Variants in HCN1 observed in about 807,000 individuals in gnomAD.
HCN1 encodes potassium/sodium hyperpolarization-activated cyclic nucleotide-gated channel 1.
In HCN1, 13 loss-of-function variants were observed where a neutral mutation model predicts 78.9. The observed-to-expected ratio is 0.16, with a 90% CI of 0.11 to 0.26. The LOEUF is 0.26. HCN1 is among the 10% of genes least tolerant of loss of function. HCN1 has a pLI of 1.00. For synonymous variants in HCN1, 552 were observed against 455.5 expected, an observed-to-expected ratio of 1.21 and a Z score of -2.70; for missense variants, 810 against 1,154.3, an observed-to-expected ratio of 0.70 and a Z score of 4.32.
intron 2 of HCN1, chr5:45,480,207 C>A (rs1310572690): frequency 2.6e-5 from 4 of 152,488 alleles, no homozygotes; most frequent in Non-Finnish European, 5.9e-5. Context: ...CCTGCTCATT[C>A]TTCTACATCT....
intron 4 of HCN1, among the ~76,000 whole-genome samples, chr5:45,377,120 A>G (rs1747697779): frequency 6.6e-6 from 1 of 152,040 alleles, no homozygotes; most frequent in South Asian, 2.1e-4. Context: ...TGTCAGAAAA[A>G]TAGAAGCCTT....
chr5:45,427,639 T>G (rs2112073673), intron 3 of HCN1, among the ~76,000 whole-genome samples: 1 of 152,226 alleles, frequency 6.6e-6, no homozygotes, highest in East Asian at 1.9e-4. Flanking sequence ...ATTACATTGA[T>G]CAATAATTAG....
chr5:45,515,859 G>GAT (rs1742508306), intron 2 of HCN1, among the ~76,000 whole-genome samples: 1 of 151,592 alleles, frequency 6.6e-6, no homozygotes, highest in African/African-American at 2.4e-5. Flanking sequence ...TATCCCACAG[G>GAT]ATAAAATAAA....
At chr5:45,469,242 C>G (rs985276798) in intron 2 of HCN1, among the ~76,000 whole-genome samples, 1 of 151,614 alleles carries the variant, frequency 6.6e-6, no homozygotes, top group Admixed American at 6.6e-5. Context: ...TTGTACCATG[C>G]CCAGGAAAAA....
rs78052972 is a variant in HCN1 at position 45,333,952 on chromosome 5, G to A, written c.1377+19148C>T. On this transcript the variant is annotated intron_variant, in intron 5 of 7. Transcript: ENST00000303230. ...GGTATCTAATCTTAATTACGTTAAT[G>A]CATGATGCCATTGACTGTATTGACT... is the stretch of plus-strand genomic sequence containing the variant. Among the ~76,000 whole-genome samples, 327 of 151,850 alleles carry A rather than the reference G, an allele frequency of 2.2e-3. 2 individuals are homozygous for A. The East Asian group carries it at 0.023, about 11-fold the overall frequency.
intron 5 of HCN1, among the ~76,000 whole-genome samples, chr5:45,317,464 G>C (rs1317614659): frequency 6.6e-6 from 1 of 152,188 alleles, no homozygotes; most frequent in African/African-American, 2.4e-5. Flanking sequence ...AAAAACCCTA[G>C]AAGAAGACCT....
intron 2 of HCN1, among the ~76,000 whole-genome samples, chr5:45,582,763 A>G (rs546623013): frequency 2.3e-3 from 355 of 152,308 alleles, no homozygotes; most frequent in African/African-American, 8.1e-3. Context: ...CCTTTTCTGC[A>G]TCTATTGAGA....
intron 2 of HCN1, among the ~76,000 whole-genome samples, chr5:45,538,896 G>A (rs1270454526): frequency 6.6e-6 from 1 of 152,096 alleles, no homozygotes; most frequent in Non-Finnish European, 1.5e-5. Flanking sequence ...TAGTTTCCAG[G>A]TTTCAGGTAC....
chr5:45,566,528 T>C (rs994348727), intron 2 of HCN1, among the ~76,000 whole-genome samples: 3 of 152,156 alleles, frequency 2.0e-5, no homozygotes, highest in African/African-American at 7.2e-5. Context: ...GCTGCAGCTT[T>C]ATACATCAAA....
chr5:45,497,252 AT>A (rs1439933376), intron 2 of HCN1, among the ~76,000 whole-genome samples: 5 of 152,116 alleles, frequency 3.3e-5, no homozygotes, highest in African/African-American at 9.6e-5. Flanking sequence ...ATTCCTGGGT[AT>A]CCTTGTTGAC....
chr5:45,393,434 A>G (rs1273125358), intron 4 of HCN1, among the ~76,000 whole-genome samples: 1 of 152,206 alleles, frequency 6.6e-6, no homozygotes, highest in Non-Finnish European at 1.5e-5. Flanking sequence ...GTTTCATTTC[A>G]TGAAGGCTAG....
At chr5:45,308,908 C>G (rs1034807852) in intron 5 of HCN1, among the ~76,000 whole-genome samples, 2 of 152,064 alleles carry the variant, frequency 1.3e-5, no homozygotes, top group African/African-American at 2.4e-5. Flanking sequence ...TGAAGAATGT[C>G]AGCGGTAGTT....
intron 2 of HCN1, among the ~76,000 whole-genome samples, chr5:45,564,837 G>T (rs1224364423): frequency 2.0e-5 from 3 of 152,160 alleles, no homozygotes; most frequent in African/African-American, 2.4e-5. Context: ...TGTCTCAGAA[G>T]GGAAGAAAAG....
At chr5:45,512,958 C>T (rs1325342785) in intron 2 of HCN1, among the ~76,000 whole-genome samples, 1 of 152,020 alleles carries the variant, frequency 6.6e-6, no homozygotes, top group African/African-American at 2.4e-5. Flanking sequence ...TTCCAACTCA[C>T]GCCAGAGCCC....
At chr5:45,584,843 G>T (rs1164275540) in intron 2 of HCN1, among the ~76,000 whole-genome samples, 1 of 152,124 alleles carries the variant, frequency 6.6e-6, no homozygotes, top group African/African-American at 2.4e-5. Context: ...TCTTTAAGAA[G>T]TTTGAATATT....
intron 3 of HCN1, among the ~76,000 whole-genome samples, chr5:45,401,614 T>C (rs1443405934): frequency 6.6e-6 from 1 of 151,906 alleles, no homozygotes; most frequent in African/African-American, 2.4e-5. Flanking sequence ...GATTATTTTA[T>C]TTTTTATATT....
chr5:45,380,283 G>A (rs1747779041), intron 4 of HCN1, among the ~76,000 whole-genome samples: 1 of 151,916 alleles, frequency 6.6e-6, no homozygotes, highest in South Asian at 2.1e-4. Context: ...CTTTTATAAG[G>A]GTGTTAATGC....
At chr5:45,403,261 G>A (rs1039667517) in intron 3 of HCN1, among the ~76,000 whole-genome samples, 1 of 152,086 alleles carries the variant, frequency 6.6e-6, no homozygotes, top group African/African-American at 2.4e-5. Flanking sequence ...ATTCCAAGTA[G>A]AGGAATGACA....
chr5:45,315,582 G>A (rs535031537), intron 5 of HCN1, among the ~76,000 whole-genome samples: 1 of 152,190 alleles, frequency 6.6e-6, no homozygotes, highest in East Asian at 1.9e-4. Flanking sequence ...AACTGAAGGA[G>A]ATAGAGACAC....
Sources: allele counts gnomAD v4.1 joint callset (sites outside exome capture counted in the v4.1 genomes callset), GRCh38; gene constraint gnomAD v4.1.1; transcripts MANE v1.5; gene names NCBI Gene and HGNC (gene_info 2026-07-23, HGNC 2026-07-21).